SNX24: variants seen among roughly 807,000 people sequenced by gnomAD.
The protein encoded by SNX24 is sorting nexin-24.
Under a neutral mutation model 28.7 loss-of-function variants are expected in SNX24, and 22 were observed. The observed-to-expected ratio is 0.77, with a 90% CI of 0.55 to 1.10. The LOEUF (loss-of-function observed/expected upper bound fraction) is 1.10, where lower values mean the gene tolerates loss of function less well. Among genes scored for constraint, SNX24 ranks in the 50% least tolerant of loss-of-function variants. SNX24 has a pLI of 0.00. For synonymous variants in SNX24, 69 were observed against 71.5 expected, an observed-to-expected ratio of 0.96 and a Z score of 0.18; for missense variants, 221 against 201.1, an observed-to-expected ratio of 1.10 and a Z score of -0.60.
chr5:122,967,330 G>A (rs373892972), intron 3 of SNX24, among the ~76,000 whole-genome samples: 2 of 152,154 alleles, frequency 1.3e-5, no homozygotes, highest in Non-Finnish European at 2.9e-5. Flanking sequence ...AAGCCTATCT[G>A]TAAAATACAT....
At chr5:123,005,214 A>T (rs757805270) in intron 6 of SNX24, among the ~76,000 whole-genome samples, 11 of 152,060 alleles carry the variant, frequency 7.2e-5, no homozygotes, top group Non-Finnish European at 1.3e-4. Flanking sequence ...GTCACAGACT[A>T]TCTTATCTTT....
chr5:122,871,179 G>A (rs1755958992), intron 1 of SNX24, among the ~76,000 whole-genome samples: 1 of 152,140 alleles, frequency 6.6e-6, no homozygotes, highest in African/African-American at 2.4e-5. Flanking sequence ...TAGTTCAGTA[G>A]TTCTCAGGGA....
intron 1 of SNX24, among the ~76,000 whole-genome samples, chr5:122,927,721 C>T (rs1311849827): frequency 6.6e-6 from 1 of 152,164 alleles, no homozygotes; most frequent in Non-Finnish European, 1.5e-5. Context: ...CTAAAGGCCC[C>T]TATTTGACTT....
At chr5:122,848,591 C>T (rs1754753315) in intron 1 of SNX24, among the ~76,000 whole-genome samples, 1 of 151,436 alleles carries the variant, frequency 6.6e-6, no homozygotes, top group Non-Finnish European at 1.5e-5. Context: ...CGCGGGTAAT[C>T]CCAGCTACTT....
In SNX24 at chr5:122,845,626, G is replaced by C. The variant is rs1259896978; in HGVS notation, c.-8G>C. ...CAACTCGCCCTCAGCCGGCTGGCCG[G>C]CGCGGCCATGGAGGTCTACATCCCG... is the stretch of plus-strand genomic sequence containing the variant. On this transcript the variant is annotated 5_prime_UTR_variant, in exon 1 of 7. Coordinates refer to ENST00000261369, the MANE Select transcript of SNX24 (RefSeq NM_014035.4). 5.7e-6 allele frequency: 8 copies of C among 1,397,352 alleles called. No individual in the cohort carries two copies. In the East Asian group the frequency reaches 2.2e-4, roughly 39 times the overall value. 86.6% of individuals were successfully genotyped at this position (1,397,352 alleles called of 1,614,324 possible). A position where few individuals can be genotyped will look rare whatever the true frequency, so the allele number is the denominator to read the frequency against.
At chr5:122,981,252 C>T (rs576855701) in intron 3 of SNX24, among the ~76,000 whole-genome samples, 1 of 152,184 alleles carries the variant, frequency 6.6e-6, no homozygotes, top group South Asian at 2.1e-4. Flanking sequence ...AGAAAAAGTC[C>T]TCCCCATTCT....
intron 3 of SNX24, among the ~76,000 whole-genome samples, chr5:122,979,724 C>T (rs751456896): frequency 1.3e-5 from 2 of 152,168 alleles, no homozygotes; most frequent in African/African-American, 2.4e-5. Context: ...CTCCTGCCTT[C>T]GGGGTAAAAT....
At chr5:122,945,424 A>G (rs555491724) in intron 2 of SNX24, among the ~76,000 whole-genome samples, 1 of 152,338 alleles carries the variant, frequency 6.6e-6, no homozygotes, top group Admixed American at 6.5e-5. Context: ...CTCTAATGCA[A>G]CTTCCAACAG....
chr5:122,852,148 CT>C (rs1436715645), intron 1 of SNX24, among the ~76,000 whole-genome samples: 3 of 149,892 alleles, frequency 2.0e-5, no homozygotes, highest in Non-Finnish European at 4.4e-5. Context: ...GTATATATTT[CT>C]TTTTTTCTTT....
chr5:122,932,223 A>G (rs770394193), intron 1 of SNX24, among the ~76,000 whole-genome samples: 2 of 152,192 alleles, frequency 1.3e-5, no homozygotes, highest in Non-Finnish European at 2.9e-5. Flanking sequence ...TTGTTTTGTT[A>G]TGCAAACCTG....
At chr5:122,943,876 C>G (rs1228096377) in intron 2 of SNX24, among the ~76,000 whole-genome samples, 1 of 152,130 alleles carries the variant, frequency 6.6e-6, no homozygotes. Context: ...CTGTACCTAA[C>G]TCCTAATGTC....
chr5:122,878,953 C>CAA (rs71223070), intron 1 of SNX24, among the ~76,000 whole-genome samples: 5 of 103,388 alleles, frequency 4.8e-5, no homozygotes, highest in Non-Finnish European at 5.9e-5. Context: ...GACTCTGTCT[C>CAA]AAAAAAAAAA....
intron 5 of SNX24, chr5:123,023,955 G>C: frequency 6.2e-7 from 1 of 1,614,126 alleles, no homozygotes; most frequent in Non-Finnish European, 8.5e-7. Context: ...TTGGTGAGTG[G>C]ACGGTCATGC....
intron 2 of SNX24, among the ~76,000 whole-genome samples, chr5:122,939,996 CTT>C (rs11419088): frequency 6.8e-6 from 1 of 147,680 alleles, no homozygotes; most frequent in Admixed American, 6.8e-5. Context: ...TTTTCATTTT[CTT>C]TTTTTTTTTG....
At chr5:122,986,227 G>A (rs1561698146) in intron 3 of SNX24, among the ~76,000 whole-genome samples, 1 of 152,196 alleles carries the variant, frequency 6.6e-6, no homozygotes, top group Non-Finnish European at 1.5e-5. Context: ...GCAGATGTCT[G>A]TAAGAAATTC....
At chr5:122,884,251 C>CT (rs758617172) in intron 1 of SNX24, among the ~76,000 whole-genome samples, 19,638 of 92,820 alleles carry the variant, frequency 0.21, 2,945 homozygotes, top group East Asian at 0.52. Flanking sequence ...GTTTCTTTTT[C>CT]TTTTTTTTTT....
rs374202169 is a variant in SNX24 at position 122,861,837 on chromosome 5, T to G, written c.60+16144T>G. On this transcript the variant is annotated intron_variant, in intron 1 of 6. Transcript: ENST00000261369. ...GAATTGAATCTCACCAGCTGCCTTTTCTTAGTAGGGATTGTTTTATAAACT... is the reference window on the plus strand; with the variant it reads ...GAATTGAATCTCACCAGCTGCCTTTGCTTAGTAGGGATTGTTTTATAAACT... Among the ~76,000 whole-genome samples, 16 of 152,320 alleles carry G rather than the reference T, an allele frequency of 1.1e-4. 2 individuals carry two copies. The highest frequency in any genetic ancestry group is 3.9e-4 in the East Asian group (2 of 5,182).
chr5:122,941,260 C>A (rs1319834135), intron 2 of SNX24, among the ~76,000 whole-genome samples: 6 of 152,164 alleles, frequency 3.9e-5, no homozygotes, highest in African/African-American at 1.4e-4. Context: ...TTCACAGATT[C>A]TGGGGATTAG....
At chr5:123,023,906 G>T (rs770649081) in intron 5 of SNX24, 1 of 1,613,654 alleles carries the variant, frequency 6.2e-7, no homozygotes, top group Non-Finnish European at 8.5e-7. Context: ...CACAAAAGGC[G>T]TTTTCACGTC....
Sources: allele counts gnomAD v4.1 joint callset (sites outside exome capture counted in the v4.1 genomes callset), GRCh38; gene constraint gnomAD v4.1.1; transcripts MANE v1.5; gene names NCBI Gene and HGNC (gene_info 2026-07-23, HGNC 2026-07-21).